Variants in SEMA3A observed in about 807,000 individuals in gnomAD.
SEMA3A encodes semaphorin-3A.
A neutral mutation model predicts 97.9 loss-of-function variants in SEMA3A; 29 were observed. The observed-to-expected ratio is 0.30, with a 90% CI of 0.22 to 0.40. SEMA3A has a LOEUF of 0.40. Ranked by LOEUF, SEMA3A falls within the 10% of genes least tolerant of loss-of-function variation. The probability of loss-of-function intolerance (pLI) is 1.00; values close to 1 mark genes in which losing one functional copy is unlikely to be tolerated. For synonymous variants in SEMA3A, 321 were observed against 323.7 expected (o/e 0.99, Z 0.09); for missense variants, 763 against 951.3 (o/e 0.80, Z 2.60).
chr7:84,020,237 G>T (rs1445915205), intron 6 of SEMA3A, among the ~76,000 whole-genome samples: 2 of 150,692 alleles, frequency 1.3e-5, no homozygotes, highest in African/African-American at 4.9e-5. Flanking sequence ...TAGAGATAGG[G>T]TTTCACCATA....
chr7:84,150,135 G>A (rs958659518), intron 1 of SEMA3A, among the ~76,000 whole-genome samples: 1 of 152,106 alleles, frequency 6.6e-6, no homozygotes, highest in East Asian at 1.9e-4. Context: ...TTATTTGAGG[G>A]TAACTGGTAG....
chr7:84,396,948 T>C (rs912814503), intron 1 of SEMA3A, among the ~76,000 whole-genome samples: 1 of 152,038 alleles, frequency 6.6e-6, no homozygotes, highest in African/African-American at 2.4e-5. Context: ...TCTGATGATG[T>C]CTTTGTATCA....
At chr7:84,166,090 TACAGAGAC>T (rs1797196350) in intron 1 of SEMA3A, among the ~76,000 whole-genome samples, 1 of 151,368 alleles carries the variant, frequency 6.6e-6, no homozygotes, top group Admixed American at 6.6e-5. Context: ...TTGGACAACA[TACAGAGAC>T]ACTCTCTCTT....
chr7:84,372,595 A>G (rs906103616), intron 1 of SEMA3A, among the ~76,000 whole-genome samples: 11 of 152,224 alleles, frequency 7.2e-5, no homozygotes, highest in African/African-American at 2.4e-4. Flanking sequence ...TCAGAGAAAC[A>G]CACAAGTGGT....
chr7:84,049,292 A>G (rs1206233198), intron 5 of SEMA3A, among the ~76,000 whole-genome samples: 1 of 152,044 alleles, frequency 6.6e-6, no homozygotes, highest in East Asian at 1.9e-4. Context: ...GCACATTCCC[A>G]TCTTGTCCAT....
chr7:84,231,984 A>G (rs2116358432), intron 3 of SEMA3A, among the ~76,000 whole-genome samples: 1 of 151,818 alleles, frequency 6.6e-6, no homozygotes, highest in East Asian at 2.0e-4. Flanking sequence ...TAATAAAAAC[A>G]AAGGTATGTG....
intron 2 of SEMA3A, among the ~76,000 whole-genome samples, chr7:84,360,773 TG>T (rs1802698204): frequency 6.6e-6 from 1 of 151,938 alleles, no homozygotes; most frequent in African/African-American, 2.4e-5. Context: ...TAACAGCAAT[TG>T]TTTAAAACCT....
intron 2 of SEMA3A, among the ~76,000 whole-genome samples, chr7:84,345,174 T>G (rs992505199): frequency 3.3e-5 from 5 of 152,146 alleles, no homozygotes; most frequent in Non-Finnish European, 7.4e-5. Flanking sequence ...CACTATACTG[T>G]AGTCTATTAA....
intron 1 of SEMA3A, among the ~76,000 whole-genome samples, chr7:84,455,297 A>G (rs1179776161): frequency 6.6e-6 from 1 of 151,992 alleles, no homozygotes; most frequent in Non-Finnish European, 1.5e-5. Flanking sequence ...TAAACATTGT[A>G]TAAGTTAAAT....
At chr7:84,021,110 A>G (rs936080858) in intron 6 of SEMA3A, among the ~76,000 whole-genome samples, 3 of 152,176 alleles carry the variant, frequency 2.0e-5, no homozygotes, top group Admixed American at 6.5e-5. Context: ...GAAATGGGAA[A>G]CCTTGTCAGT....
At chr7:84,309,744 T>G (rs1801267775) in intron 2 of SEMA3A, among the ~76,000 whole-genome samples, 4 of 152,166 alleles carry the variant, frequency 2.6e-5, no homozygotes. Context: ...TAATATTTTA[T>G]CTGAGACCTG....
intron 4 of SEMA3A, among the ~76,000 whole-genome samples, chr7:84,068,319 T>G (rs1793611055): frequency 6.8e-6 from 1 of 147,754 alleles, no homozygotes; most frequent in Admixed American, 6.8e-5. Flanking sequence ...ATATACCTAA[T>G]GCTAGATGAC....
At chr7:84,025,910 T>G (rs183197593) in intron 6 of SEMA3A, among the ~76,000 whole-genome samples, 3 of 152,200 alleles carry the variant, frequency 2.0e-5, no homozygotes, top group African/African-American at 7.2e-5. Flanking sequence ...ATGGAGTGTT[T>G]GCACCTATGT....
rs143531337 is a variant in SEMA3A at position 84,136,428 on chromosome 7, T to C, written c.113-1477A>G. Among the ~76,000 whole-genome samples, 204 of 152,298 alleles carry C rather than the reference T, an allele frequency of 1.3e-3. 1 individual carries two copies. In the East Asian group the frequency reaches 0.017, roughly 13 times the overall value. Reference sequence around the variant, plus strand: ...AAGGTCAGGTCACTATCATTTAAATTTAGACCCTATCCCAGTACTTCTCAT... The same window carrying C: ...AAGGTCAGGTCACTATCATTTAAATCTAGACCCTATCCCAGTACTTCTCAT... On this transcript the variant is annotated intron_variant, in intron 1 of 16. Transcript: ENST00000265362.
rs73378811 is a variant in SEMA3A, at chr7:84,058,885, T to C, written c.547+1580A>G. Reference sequence around the variant, plus strand: ...ACTAAAACTGTGGAGTTTCGTTTTCTTTGTGGACTTTGGGTGGTTGCATAC... The same window carrying C: ...ACTAAAACTGTGGAGTTTCGTTTTCCTTGTGGACTTTGGGTGGTTGCATAC... On this transcript the variant is annotated intron_variant, in intron 5 of 16. Coordinates refer to ENST00000265362, the MANE Select transcript of SEMA3A (RefSeq NM_006080.3). 3.4e-3 allele frequency among the ~76,000 whole-genome samples: 516 copies of C among 152,274 alleles called. 1 individual carries two copies. Among genetic ancestry groups the C allele is most frequent in the African/African-American group, 0.011 (477 of 41,564 alleles).
chr7:84,213,710 C>A (rs916287384), intron 3 of SEMA3A, among the ~76,000 whole-genome samples: 1 of 152,132 alleles, frequency 6.6e-6, no homozygotes, highest in African/African-American at 2.4e-5. Context: ...CAGTTATTTT[C>A]TTCCTTTTTC....
intron 2 of SEMA3A, among the ~76,000 whole-genome samples, chr7:84,360,841 T>A (rs749065669): frequency 6.6e-6 from 1 of 151,988 alleles, no homozygotes; most frequent in Non-Finnish European, 1.5e-5. Context: ...TCACCCAGGC[T>A]GGAGTGCAGT....
chr7:84,194,660 A>G lies in SEMA3A; in HGVS notation c.-74T>C. 2.2e-6 allele frequency: 2 copies of G among 913,852 alleles called. No homozygotes were observed. The highest frequency in any genetic ancestry group is 3.6e-6 in the Non-Finnish European group (2 of 561,876). The allele number at this position is 913,852 out of a possible 1,614,324, so 56.6% of individuals were successfully genotyped here. On this transcript the variant is annotated 5_prime_UTR_variant, in exon 1 of 17. Transcript: ENST00000265362. ...TTGTGCGGCCAGAGAAGTTCAAACAATCTGGAAACTGGAGGTAACAGGTGA... is the reference window on the plus strand; with the variant it reads ...TTGTGCGGCCAGAGAAGTTCAAACAGTCTGGAAACTGGAGGTAACAGGTGA...
chr7:84,415,136 T>C (rs535335501), intron 1 of SEMA3A, among the ~76,000 whole-genome samples: 2 of 152,168 alleles, frequency 1.3e-5, no homozygotes, highest in African/African-American at 2.4e-5. Flanking sequence ...AGCAATAAAC[T>C]GTAGCTGTAG....
Sources: gnomAD v4.1 joint callset for allele counts (sites outside exome capture counted in the v4.1 genomes callset) on GRCh38, gnomAD v4.1.1 for gene constraint, MANE v1.5 for transcripts, NCBI Gene and HGNC (gene_info 2026-07-23, HGNC 2026-07-21) for gene names.